The following MTHFD2L variants were observed in gnomAD, a reference collection of about 807,000 sequenced individuals.
The protein encoded by MTHFD2L is methylenetetrahydrofolate dehydrogenase (NADP+ dependent) 2 like, also known as bifunctional methylenetetrahydrofolate dehydrogenase/cyclohydrolase 2, mitochondrial.
In MTHFD2L, 29 loss-of-function variants were observed where a neutral mutation model predicts 34.9. The observed-to-expected ratio is 0.83, with a 90% CI of 0.62 to 1.13. MTHFD2L has a LOEUF of 1.13. Ranked by LOEUF, MTHFD2L falls within the 50% of genes most tolerant of loss-of-function variation. The probability of loss-of-function intolerance (pLI) is 0.00; values close to 1 mark genes in which losing one functional copy is unlikely to be tolerated. For synonymous variants in MTHFD2L, 167 were observed against 155.7 expected, an observed-to-expected ratio of 1.07 and a Z score of -0.54; for missense variants, 481 against 446.5, an observed-to-expected ratio of 1.08 and a Z score of -0.70.
intron 5 of MTHFD2L, among the ~76,000 whole-genome samples, chr4:74,224,743 A>G (rs1738867388): frequency 6.6e-6 from 1 of 152,134 alleles, no homozygotes; most frequent in African/African-American, 2.4e-5. Flanking sequence ...AAAGTTGGTT[A>G]GTTTTTTCCT....
chr4:74,165,634 G>A (rs1726534005), intron 1 of MTHFD2L, among the ~76,000 whole-genome samples: 1 of 152,172 alleles, frequency 6.6e-6, no homozygotes, highest in South Asian at 2.1e-4. Flanking sequence ...GGAATTACAG[G>A]CGTGAGCCAC....
chr4:74,173,641 G>A (rs943800102), intron 1 of MTHFD2L, among the ~76,000 whole-genome samples: 2 of 152,160 alleles, frequency 1.3e-5, no homozygotes, highest in African/African-American at 4.8e-5. Context: ...TCGCCTTAGG[G>A]TCACAAGATT....
At chr4:74,227,696 C>T (rs976293721) in intron 6 of MTHFD2L, among the ~76,000 whole-genome samples, 2 of 152,092 alleles carry the variant, frequency 1.3e-5, no homozygotes, top group Admixed American at 1.3e-4. Flanking sequence ...AGGACGTTGT[C>T]GGCCATGGTT....
intron 1 of MTHFD2L, chr4:74,140,578 A>T (rs1475067189): frequency 1.2e-5 from 12 of 974,092 alleles, no homozygotes; most frequent in Non-Finnish European, 1.5e-5. Context: ...AAAAAAGGCA[A>T]TATAATTCAA....
chr4:74,147,233 G>C (rs1723648706), intron 1 of MTHFD2L, among the ~76,000 whole-genome samples: 1 of 151,980 alleles, frequency 6.6e-6, no homozygotes, highest in Non-Finnish European at 1.5e-5. Flanking sequence ...TGCTCACCTG[G>C]GTAGAGGTTC....
intron 6 of MTHFD2L, among the ~76,000 whole-genome samples, chr4:74,246,807 C>T (rs2110186669): frequency 6.6e-6 from 1 of 152,254 alleles, no homozygotes; most frequent in East Asian, 1.9e-4. Context: ...GGCATTATTT[C>T]TGAGGGCTCT....
At chr4:74,230,692 T>C (rs551595071) in intron 6 of MTHFD2L, among the ~76,000 whole-genome samples, 1 of 151,914 alleles carries the variant, frequency 6.6e-6, no homozygotes, top group South Asian at 2.1e-4. Flanking sequence ...TACTGGATGG[T>C]TGAAAGGGGA....
chr4:74,235,087 A>G (rs1025436141), intron 6 of MTHFD2L, among the ~76,000 whole-genome samples: 3 of 152,176 alleles, frequency 2.0e-5, no homozygotes, highest in East Asian at 3.8e-4. Flanking sequence ...GTTGTGAAAG[A>G]TGAAGCATAA....
chr4:74,199,722 C>A, intron 3 of MTHFD2L, 72 bp from the exon 4 acceptor site: 1 of 1,314,126 alleles, frequency 7.6e-7, no homozygotes, highest in Non-Finnish European at 1.0e-6. Flanking sequence ...GCTTTAGATT[C>A]TCAGATTTCA....
intron 5 of MTHFD2L, among the ~76,000 whole-genome samples, chr4:74,212,162 A>G (rs1352104039): frequency 1.3e-5 from 2 of 151,558 alleles, no homozygotes; most frequent in African/African-American, 4.9e-5. Flanking sequence ...GCATTCCTTG[A>G]TTTTTTGAAG....
chr4:74,267,299 CT>C, intron 6 of MTHFD2L: 2 of 852,922 alleles, frequency 2.3e-6, no homozygotes, highest in Non-Finnish European at 2.7e-6. Context: ...CTTTTCTTTT[CT>C]TTTCTTTTCT....
intron 7 of MTHFD2L, among the ~76,000 whole-genome samples, chr4:74,291,544 C>A (rs1005323749): frequency 6.6e-6 from 1 of 152,146 alleles, no homozygotes; most frequent in African/African-American, 2.4e-5. Flanking sequence ...ATTGATTCTT[C>A]GTTTATTTAC....
At chr4:74,204,174 A>T (rs992588286) in intron 5 of MTHFD2L, among the ~76,000 whole-genome samples, 1 of 152,156 alleles carries the variant, frequency 6.6e-6, no homozygotes, top group Non-Finnish European at 1.5e-5. Context: ...GGCCCCCTCC[A>T]TTACCAAGCC....
At chr4:74,245,282 T>C (rs533069863) in intron 6 of MTHFD2L, among the ~76,000 whole-genome samples, 1 of 151,770 alleles carries the variant, frequency 6.6e-6, no homozygotes, top group South Asian at 2.1e-4. Flanking sequence ...AGATAGTGCC[T>C]TTTATTCTTA....
In MTHFD2L at chr4:74,192,035, A is replaced by G. The variant is rs555265896; in HGVS notation, c.452-7759A>G. ...CAATAAATATTTATTGAGTGCCTCTATGGTCCAGGCACTATTATTTGTACT... is the reference window on the plus strand; with the variant it reads ...CAATAAATATTTATTGAGTGCCTCTGTGGTCCAGGCACTATTATTTGTACT... On this transcript the variant is annotated intron_variant, in intron 3 of 7. Transcript: ENST00000325278. Among the ~76,000 whole-genome samples the G allele has an allele frequency of 1.4e-3, 220 of 152,280 alleles. 1 individual carries two copies. The highest frequency in any genetic ancestry group is 4.3e-3 in the African/African-American group (179 of 41,558).
chr4:74,237,184 A>G (rs886935998), intron 6 of MTHFD2L, among the ~76,000 whole-genome samples: 3 of 152,182 alleles, frequency 2.0e-5, no homozygotes, highest in African/African-American at 4.8e-5. Flanking sequence ...TGAGTAGGGA[A>G]TAGTAAGAAT....
intron 6 of MTHFD2L, among the ~76,000 whole-genome samples, chr4:74,270,754 C>T (rs2110246007): frequency 6.6e-6 from 1 of 152,318 alleles, no homozygotes; most frequent in Non-Finnish European, 1.5e-5. Flanking sequence ...ACACTGTCTT[C>T]CACAGTGGTT....
At chr4:74,187,218 T>A (rs1385665560) in intron 3 of MTHFD2L, among the ~76,000 whole-genome samples, 1 of 152,004 alleles carries the variant, frequency 6.6e-6, no homozygotes, top group Non-Finnish European at 1.5e-5. Flanking sequence ...AGGAAAAGAA[T>A]CAGTAAGCTT....
intron 3 of MTHFD2L, among the ~76,000 whole-genome samples, chr4:74,186,822 T>A (rs959002970): frequency 6.6e-6 from 1 of 152,112 alleles, no homozygotes; most frequent in African/African-American, 2.4e-5. Flanking sequence ...ATAAAATTCA[T>A]ATGGAACTGC....
Sources: allele counts gnomAD v4.1 joint callset (sites outside exome capture counted in the v4.1 genomes callset), GRCh38; gene constraint gnomAD v4.1.1; transcripts MANE v1.5; gene names NCBI Gene and HGNC (gene_info 2026-07-23, HGNC 2026-07-21).